The following PYGB variants were observed in gnomAD, a reference collection of about 807,000 sequenced individuals.
PYGB encodes the protein glycogen phosphorylase B.
PYGB carries 82 observed loss-of-function variants against 94.3 expected under a neutral mutation model. The ratio of observed to expected loss-of-function variants is 0.87; its 90% CI spans 0.73 to 1.04. The LOEUF is 1.04. Among genes scored for constraint, PYGB ranks in the 50% least tolerant of loss-of-function variants. The pLI is 0.00. For missense variants in PYGB, 1,132 were observed against 1,158.2 expected, an observed-to-expected ratio of 0.98 and a Z score of 0.33; for synonymous variants, 488 against 479.1, an observed-to-expected ratio of 1.02 and a Z score of -0.24.
At chr20:25,290,351 T>C in intron 15 of PYGB, 130 bp from the exon 16 acceptor site, 1 of 1,251,942 alleles carries the variant, frequency 8.0e-7, no homozygotes, top group Non-Finnish European at 1.1e-6. Context: ...CTAGCTCCTC[T>C]ACTGACCGTC....
At chr20:25,289,415 C>G (rs925398926) in intron 15 of PYGB, among the ~76,000 whole-genome samples, 2 of 152,148 alleles carry the variant, frequency 1.3e-5, no homozygotes, top group Non-Finnish European at 2.9e-5. Context: ...GGAGCCAAGG[C>G]GGGTGGATCG....
chr20:25,279,019 A>G (rs760648160), intron 8 of PYGB, 38 bp from the exon 9 acceptor site: 8 of 1,583,830 alleles, frequency 5.1e-6, no homozygotes, highest in Non-Finnish European at 6.9e-6. Flanking sequence ...CCCACGTGGG[A>G]TGAAATGACT....
At chr20:25,293,229 G>A (rs866089964) in intron 17 of PYGB, among the ~76,000 whole-genome samples, 131 of 152,084 alleles carry the variant, frequency 8.6e-4, no homozygotes, top group African/African-American at 2.9e-3. Flanking sequence ...CCTTATCCCC[G>A]CGCCCCTCCG....
chr20:25,249,182 T>G (rs2092880399), intron 1 of PYGB, among the ~76,000 whole-genome samples: 2 of 152,260 alleles, frequency 1.3e-5, no homozygotes, highest in Non-Finnish European at 1.5e-5. Flanking sequence ...TTGCTGTGTT[T>G]TTGGTATTCC....
intron 4 of PYGB, among the ~76,000 whole-genome samples, chr20:25,272,900 C>A (rs1438800353): frequency 6.6e-6 from 1 of 152,208 alleles, no homozygotes. Context: ...GGGTTTCCAG[C>A]AGGAAGGTAT....
rs1256285461 is a variant in PYGB at position 25,259,254 on chromosome 20, C to T, written c.261C>T (p.Ser87=). 5 of 1,605,296 alleles carry T rather than the reference C, an allele frequency of 3.1e-6. No homozygotes were observed. The Admixed American group carries it at 6.7e-5, about 21-fold the overall frequency. Residue 87 remains serine (S), a synonymous_variant, in exon 2 of 20, where the codon TCC becomes TCT. Transcript: ENST00000216962. ...ERDPKRIYYL[S]LEFYMGRTLQ... ...TTCCTCAGCGCATTTATTATCTTTC[C>T]CTGGAATTCTACATGGGTCGCACGC...
At chr20:25,261,211 C>A (rs1015762400) in intron 2 of PYGB, among the ~76,000 whole-genome samples, 35 of 152,244 alleles carry the variant, frequency 2.3e-4, no homozygotes, top group African/African-American at 8.4e-4. Flanking sequence ...AGTAGCCTAC[C>A]TAACTGGGAG....
In PYGB at chr20:25,280,530, G is replaced by C. The variant is rs930523573; in HGVS notation, c.1239+118G>C. On this transcript the variant is annotated intron_variant, in intron 10 of 19. Coordinates refer to ENST00000216962, the MANE Select transcript of PYGB (RefSeq NM_002862.4). ...TGAACGAGGCACCCTCTGTTCAGCA[G>C]AGGATGCTTGGGGCTGGGGGCTGTC... 6 of 1,378,338 alleles carry C rather than the reference G, an allele frequency of 4.4e-6. No homozygotes were observed. The African/African-American group carries it at 8.6e-5, about 20-fold the overall frequency. The allele number at this position is 1,378,338 out of a possible 1,614,324, so 85.4% of individuals were successfully genotyped here. A position where few individuals can be genotyped will look rare whatever the true frequency, so the allele number is the denominator to read the frequency against.
chr20:25,295,601 C>T lies in PYGB; in HGVS notation c.2313-3C>T, dbSNP rs747227113. ...TGGCCCAGCCTCCTTTCTCCCATTC[C>T]AGGTTCAAGGTGTTTGCAGACTATG... On this transcript the variant is annotated splice_polypyrimidine_tract_variant and splice_region_variant and intron_variant, in intron 18 of 19. Transcript: ENST00000216962. The T allele has an allele frequency of 2.5e-6, 4 of 1,613,650 alleles. No homozygotes were observed. The Admixed American group carries it at 6.7e-5, about 27-fold the overall frequency.
intron 14 of PYGB, among the ~76,000 whole-genome samples, chr20:25,287,701 G>A (rs769025133): frequency 6.6e-6 from 1 of 151,976 alleles, no homozygotes; most frequent in African/African-American, 2.4e-5. Flanking sequence ...GGTAGAGTGC[G>A]AGGCGCGGTA....
At chr20:25,291,926 G>A (rs1230930470) in intron 16 of PYGB, among the ~76,000 whole-genome samples, 5 of 152,098 alleles carry the variant, frequency 3.3e-5, no homozygotes, top group Admixed American at 1.3e-4. Context: ...GCGCAGGGCC[G>A]TGGCATCTGG....
Position 25,288,475 on chromosome 20 carries a change from G to A in PYGB, c.1819G>A (p.Gly607Arg), listed in dbSNP as rs762553827. The part of the protein sequence containing the change: ...KAFVPRTVMI[G>R]GKAAPGYHMA... ...TTTTGTGCCCAGGACTGTTATGATT[G>A]GGGGCAAGGTGAGTGACTTCCTCTG... is the stretch of plus-strand genomic sequence containing the variant. The change falls in exon 15 of 20, where the codon GGG becomes AGG. Residue 607 changes from glycine (G) to arginine (R), a missense_variant. By Grantham distance (125) the Gly-to-Arg change is moderately radical. Coordinates refer to ENST00000216962, the MANE Select transcript of PYGB (RefSeq NM_002862.4). 2 of 1,613,982 alleles carry A rather than the reference G, an allele frequency of 1.2e-6. No individual in the cohort carries two copies. The highest frequency in any genetic ancestry group is 2.7e-5 in the African/African-American group (2 of 74,896).
chr20:25,248,723 C>T (rs748868529), intron 1 of PYGB, among the ~76,000 whole-genome samples: 3 of 141,784 alleles, frequency 2.1e-5, no homozygotes, highest in South Asian at 2.1e-4. Context: ...CGGTCTCTTT[C>T]TGGCCGTGCG....
rs201712231 is a variant in PYGB at position 25,296,617 on chromosome 20, C to A, written c.*95C>A. 3 of 1,452,478 alleles carry A rather than the reference C, an allele frequency of 2.1e-6. No homozygotes were observed. In the South Asian group the frequency reaches 4.0e-5, roughly 19 times the overall value. 90.0% of individuals were successfully genotyped at this position (1,452,478 alleles called of 1,614,324 possible). A position where few individuals can be genotyped will look rare whatever the true frequency, so the allele number is the denominator to read the frequency against. Reference sequence around the variant, plus strand: ...AAACACTTTGCCAGCCACTGGTGGTCCCTGCTTTTCTGAGTACCATGTTTC... The same window carrying A: ...AAACACTTTGCCAGCCACTGGTGGTACCTGCTTTTCTGAGTACCATGTTTC... On this transcript the variant is annotated 3_prime_UTR_variant, in exon 20 of 20. Transcript: ENST00000216962.
Position 25,288,499 on chromosome 20 carries a change from T to C in PYGB, c.1827+16T>C. ...TGGGGGCAAGGTGAGTGACTTCCTCTGCAGTCCTCTCTGTGGTGTTTGGTC... is the reference window on the plus strand; with the variant it reads ...TGGGGGCAAGGTGAGTGACTTCCTCCGCAGTCCTCTCTGTGGTGTTTGGTC... On this transcript the variant is annotated intron_variant, in intron 15 of 19. Coordinates refer to ENST00000216962, the MANE Select transcript of PYGB (RefSeq NM_002862.4). 3 of 1,613,392 alleles carry C rather than the reference T, an allele frequency of 1.9e-6. No homozygotes were observed. The highest frequency in any genetic ancestry group is 1.7e-6 in the Non-Finnish European group (2 of 1,179,466).
intron 7 of PYGB, 95 bp downstream of exon 7, chr20:25,277,421 G>C: frequency 8.0e-7 from 1 of 1,243,306 alleles, no homozygotes. Context: ...GGGGCCTGCT[G>C]TTGGCCTTGG....
At chr20:25,295,121 A>AT in intron 18 of PYGB, 2 of 1,355,240 alleles carry the variant, frequency 1.5e-6, no homozygotes, top group Non-Finnish European at 2.1e-6. Context: ...GCATTTGTAG[A>AT]TTCATAAATC....
intron 8 of PYGB, 28 bp from the exon 9 acceptor site, chr20:25,279,029 T>C (rs766294714): frequency 1.3e-6 from 2 of 1,593,340 alleles, no homozygotes; most frequent in South Asian, 2.2e-5. Flanking sequence ...ATGAAATGAC[T>C]GAATGGCACC....
At chr20:25,255,259 A>C (rs1375565462) in intron 1 of PYGB, among the ~76,000 whole-genome samples, 1 of 152,124 alleles carries the variant, frequency 6.6e-6, no homozygotes, top group Admixed American at 6.5e-5. Flanking sequence ...CCAAAGACCA[A>C]CCTCAGCGTC....
Sources: allele counts gnomAD v4.1 joint callset (sites outside exome capture counted in the v4.1 genomes callset), GRCh38; gene constraint gnomAD v4.1.1; transcripts MANE v1.5; gene names NCBI Gene and HGNC (gene_info 2026-07-23, HGNC 2026-07-21).